The following MIPOL1 variants were observed in gnomAD, a reference collection of about 807,000 sequenced individuals.
The protein encoded by MIPOL1 is mirror-image polydactyly 1.
Under a neutral mutation model 60.9 loss-of-function variants are expected in MIPOL1, and 57 were observed. That is an observed-to-expected ratio of 0.94 (90% CI 0.76 to 1.17). The LOEUF (loss-of-function observed/expected upper bound fraction) is 1.17, where lower values mean the gene tolerates loss of function less well. MIPOL1 is among the 50% of genes most tolerant of loss of function. MIPOL1 has a pLI of 0.00. For missense variants in MIPOL1, 551 were observed against 511.6 expected (o/e 1.08, Z -0.74); for synonymous variants, 179 against 168.8 (o/e 1.06, Z -0.47).
At chr14:37,363,635 C>T (rs2092364568) in intron 9 of MIPOL1, among the ~76,000 whole-genome samples, 1 of 152,202 alleles carries the variant, frequency 6.6e-6, no homozygotes, top group African/African-American at 2.4e-5. Flanking sequence ...AGCTCAAATG[C>T]CGTGCTGGGA....
At chr14:37,410,893 AT>A (rs1376878380) in intron 10 of MIPOL1, among the ~76,000 whole-genome samples, 4 of 152,064 alleles carry the variant, frequency 2.6e-5, no homozygotes, top group Admixed American at 1.3e-4. Context: ...AAGTTAGCAT[AT>A]TTTTTTATTT....
intron 12 of MIPOL1, among the ~76,000 whole-genome samples, chr14:37,537,458 G>T (rs190947553): frequency 1.6e-4 from 24 of 151,936 alleles, no homozygotes; most frequent in Non-Finnish European, 2.8e-4. Flanking sequence ...TATTATTGTT[G>T]TAATGCCCAA....
chr14:37,335,567 A>T (rs1261965482), intron 9 of MIPOL1, among the ~76,000 whole-genome samples: 1 of 152,084 alleles, frequency 6.6e-6, no homozygotes, highest in Non-Finnish European at 1.5e-5. Flanking sequence ...ATGTTGATTT[A>T]TGTTGAAGTG....
chr14:37,509,671 T>C (rs1162501219), intron 12 of MIPOL1, among the ~76,000 whole-genome samples: 1 of 147,104 alleles, frequency 6.8e-6, no homozygotes. Context: ...TATGTGCATG[T>C]ACATATGTAT....
At chr14:37,285,179 T>C in intron 6 of MIPOL1, 139 bp from the exon 7 acceptor site, 2 of 829,206 alleles carry the variant, frequency 2.4e-6, no homozygotes, top group Admixed American at 6.0e-5. Context: ...TAATATTTTA[T>C]GAATTGATTG....
chr14:37,325,914 A>G (rs963907128), intron 9 of MIPOL1, among the ~76,000 whole-genome samples: 1 of 152,176 alleles, frequency 6.6e-6, no homozygotes, highest in African/African-American at 2.4e-5. Flanking sequence ...TTCAACTTCC[A>G]GACAAGTGGT....
chr14:37,460,109 AT>A (rs1364414252), intron 11 of MIPOL1, among the ~76,000 whole-genome samples: 1 of 150,100 alleles, frequency 6.7e-6, no homozygotes, highest in Non-Finnish European at 1.5e-5. Context: ...AATAATAATA[AT>A]AATAATAAAA....
At chr14:37,289,696 C>A (rs2084889342) in intron 7 of MIPOL1, among the ~76,000 whole-genome samples, 1 of 152,092 alleles carries the variant, frequency 6.6e-6, no homozygotes, top group Non-Finnish European at 1.5e-5. Flanking sequence ...TTCTTTTGGG[C>A]CTTTAATGGA....
intron 9 of MIPOL1, among the ~76,000 whole-genome samples, chr14:37,364,707 A>G (rs1179235904): frequency 6.6e-6 from 1 of 152,040 alleles, no homozygotes. Flanking sequence ...GTTCTTCTGA[A>G]TCTCTTCTGG....
intron 11 of MIPOL1, among the ~76,000 whole-genome samples, chr14:37,477,357 T>C (rs1303186035): frequency 6.6e-6 from 1 of 152,102 alleles, no homozygotes; most frequent in Non-Finnish European, 1.5e-5. Context: ...GGTGCTTCCA[T>C]TTTTGGAATG....
chr14:37,315,791 C>T (rs1280300619), intron 9 of MIPOL1, among the ~76,000 whole-genome samples: 1 of 151,880 alleles, frequency 6.6e-6, no homozygotes. Context: ...GTTATTGCAG[C>T]CATTGGGATA....
intron 7 of MIPOL1, among the ~76,000 whole-genome samples, chr14:37,287,577 T>C (rs754499542): frequency 2.1e-4 from 32 of 152,292 alleles, no homozygotes; most frequent in Admixed American, 5.2e-4. Flanking sequence ...TTGAAAAATA[T>C]GTGGCTCATA....
chr14:37,358,183 G>T (rs2091977020), intron 9 of MIPOL1, among the ~76,000 whole-genome samples: 1 of 152,092 alleles, frequency 6.6e-6, no homozygotes, highest in South Asian at 2.1e-4. Context: ...CCTTTTTTAT[G>T]GCTGCATAGT....
intron 3 of MIPOL1, among the ~76,000 whole-genome samples, chr14:37,253,223 G>C (rs1174960134): frequency 6.6e-6 from 1 of 151,726 alleles, no homozygotes; most frequent in Non-Finnish European, 1.5e-5. Flanking sequence ...ATGTTATGGT[G>C]GAAAGAACAC....
At chr14:37,260,721 G>A (rs182396646) in intron 3 of MIPOL1, among the ~76,000 whole-genome samples, 45 of 152,144 alleles carry the variant, frequency 3.0e-4, no homozygotes, top group Middle Eastern at 3.4e-3. Context: ...GACTGTTGAA[G>A]CCAAAATACA....
chr14:37,269,890 C>T (rs563615262), intron 5 of MIPOL1, among the ~76,000 whole-genome samples: 6 of 152,162 alleles, frequency 3.9e-5, no homozygotes, highest in South Asian at 2.1e-4. Context: ...TTCAATGGCG[C>T]GATCTCAGCC....
At position 37,236,039 on chromosome 14, in the gene MIPOL1, G is replaced by A. The variant is rs550604504; in HGVS notation, c.-198-11064G>A. On this transcript the variant is annotated intron_variant, in intron 1 of 12. Coordinates refer to ENST00000684589, the MANE Select transcript of MIPOL1 (RefSeq NM_001388067.1). ...CCTCCCGGGTTCAAATGATTCTCCT[G>A]TCTCAGCCTCCTGAGTAGCTGGGAT... is the stretch of plus-strand genomic sequence containing the variant. Among the ~76,000 whole-genome samples the A allele has an allele frequency of 3.3e-5, 5 of 151,518 alleles. 1 individual carries two copies. In the South Asian group the frequency reaches 1.0e-3, roughly 32 times the overall value.
At chr14:37,393,685 A>G (rs992376124) in intron 10 of MIPOL1, among the ~76,000 whole-genome samples, 1 of 150,960 alleles carries the variant, frequency 6.6e-6, no homozygotes, top group Admixed American at 6.6e-5. Context: ...TTATTTATTT[A>G]TTTACTTATT....
chr14:37,545,006 A>G (rs2095542337), intron 12 of MIPOL1, among the ~76,000 whole-genome samples: 2 of 152,220 alleles, frequency 1.3e-5, no homozygotes, highest in South Asian at 4.1e-4. Flanking sequence ...CTGATTCTGA[A>G]TTTGTAGTAA....
Sources: gnomAD v4.1 joint callset for allele counts (sites outside exome capture counted in the v4.1 genomes callset) on GRCh38, gnomAD v4.1.1 for gene constraint, MANE v1.5 for transcripts, NCBI Gene and HGNC (gene_info 2026-07-23, HGNC 2026-07-21) for gene names.